SCOC: variants seen among roughly 807,000 people sequenced by gnomAD.
The protein encoded by SCOC is short coiled coil protein.
In SCOC, 7 loss-of-function variants were observed where a neutral mutation model predicts 9.9. The ratio of observed to expected loss-of-function variants is 0.71; its 90% CI spans 0.40 to 1.33. The LOEUF is 1.33. Ranked by LOEUF, SCOC falls within the 40% of genes most tolerant of loss-of-function variation. The pLI is 0.01. For synonymous variants in SCOC, 19 were observed against 28.2 expected (o/e 0.67, Z 1.03); for missense variants, 66 against 89.7 (o/e 0.74, Z 1.07).
chr4:140,366,826 A>C, intron 2 of SCOC: 1 of 940,342 alleles, frequency 1.1e-6, no homozygotes, highest in Non-Finnish European at 1.8e-6. Context: ...GATGTAGCCC[A>C]CACGGCCAAC....
Position 140,287,964 on chromosome 4 carries a change from GTGCACACATACCACA to G in SCOC, c.-19+30557_-19+30571del, listed in dbSNP as rs1226709645. On this transcript the variant is annotated intron_variant, in intron 1 of 4. Transcript: ENST00000394205. The stretch of plus-strand genomic sequence containing the variant: ...TGTGGGCACATGCATACCACACAGA[GTGCACACATACCACA>G]TGAACACATACTACATGCACCACAC... 2.0e-5 allele frequency among the ~76,000 whole-genome samples: 3 copies of G among 151,828 alleles called. No individual in the cohort carries two copies. In the East Asian group the frequency reaches 5.8e-4, roughly 29 times the overall value.
At chr4:140,276,450 G>A (rs540811648) in intron 1 of SCOC, among the ~76,000 whole-genome samples, 32 of 151,308 alleles carry the variant, frequency 2.1e-4, no homozygotes, top group Non-Finnish European at 3.7e-4. Flanking sequence ...AACTCTCACA[G>A]GTTTTTGTTT....
chr4:140,381,011 A>G lies in SCOC; in HGVS notation c.156A>G (p.Lys52=). The change falls in exon 4 of 4, where the codon AAA becomes AAG. Residue 52 remains lysine, a synonymous_variant. Coordinates refer to ENST00000608372, the MANE Select transcript of SCOC (RefSeq NM_001153484.2). The part of the protein sequence containing the change: ...DAVKEENLKL[K]SENQVLGQYI... ...TTAAGGAAGAAAATCTGAAGCTAAA[A>G]TCAGAAAACCAAGTTCTTGGACAAT... 6.2e-7 allele frequency: 1 copy of G among 1,605,920 alleles called. No homozygotes were observed. Among genetic ancestry groups the G allele is most frequent in the Non-Finnish European group, 8.5e-7 (1 of 1,178,040 alleles).
intron 1 of SCOC, among the ~76,000 whole-genome samples, chr4:140,338,222 G>T (rs1404199665): frequency 6.6e-6 from 1 of 152,156 alleles, no homozygotes; most frequent in Non-Finnish European, 1.5e-5. Flanking sequence ...AATAGATGCA[G>T]AAAAGGCCTT....
At position 140,382,262 on chromosome 4, in the gene SCOC, T is replaced by A. The variant is rs948873180; in HGVS notation, c.*1158T>A. ...GTTTTAGTCATCCTTTAACAATTTT[T>A]AAAAATTTAGCTTCTAGATTCCATT... On this transcript the variant is annotated 3_prime_UTR_variant, in exon 4 of 4. Transcript: ENST00000608372. The A allele has an allele frequency of 6.6e-6, 1 of 152,266 alleles. No homozygotes were observed. The highest frequency in any genetic ancestry group is 2.4e-5 in the African/African-American group (1 of 41,468). 9.4% of individuals were successfully genotyped at this position (152,266 alleles called of 1,614,324 possible). A position where few individuals can be genotyped will look rare whatever the true frequency, so the allele number is the denominator to read the frequency against.
At chr4:140,324,586 C>T (rs1290234505) in intron 1 of SCOC, among the ~76,000 whole-genome samples, 1 of 152,014 alleles carries the variant, frequency 6.6e-6, no homozygotes, top group Non-Finnish European at 1.5e-5. Context: ...AGATCATTTA[C>T]AATTGCACTG....
At chr4:140,380,353 A>G (rs1728525136) in intron 3 of SCOC, among the ~76,000 whole-genome samples, 1 of 151,826 alleles carries the variant, frequency 6.6e-6, no homozygotes, top group Non-Finnish European at 1.5e-5. Context: ...ACCTGCTACC[A>G]TGCCTAGCTA....
chr4:140,305,608 A>G (rs975138466), intron 1 of SCOC, among the ~76,000 whole-genome samples: 1 of 152,232 alleles, frequency 6.6e-6, no homozygotes, highest in Non-Finnish European at 1.5e-5. Flanking sequence ...TATAACAATA[A>G]CAGTGCTCAG....
At chr4:140,347,987 C>T (rs7667339) in intron 2 of SCOC, among the ~76,000 whole-genome samples, 5,329 of 152,108 alleles carry the variant, frequency 0.035, 321 homozygotes, top group African/African-American at 0.12. Context: ...ATTTCATTTT[C>T]TACTTTTTTT....
chr4:140,335,595 C>A (rs899946517), intron 1 of SCOC, among the ~76,000 whole-genome samples: 2 of 152,176 alleles, frequency 1.3e-5, no homozygotes, highest in African/African-American at 4.8e-5. Context: ...CTTGCACCTT[C>A]TTTAGAGATG....
chr4:140,378,143 T>C, intron 1 of SCOC, among the ~76,000 whole-genome samples: 1 of 152,148 alleles, frequency 6.6e-6, no homozygotes, highest in East Asian at 1.9e-4. Context: ...TAGTCTGTTT[T>C]GATTTAACCC....
chr4:140,259,520 G>C (rs182286467), intron 1 of SCOC, among the ~76,000 whole-genome samples: 156 of 152,232 alleles, frequency 1.0e-3, no homozygotes, highest in Non-Finnish European at 2.8e-4. Context: ...TGCTTTGGGA[G>C]TGCAGTCAAG....
chr4:140,318,818 T>C (rs1279720220), intron 1 of SCOC, among the ~76,000 whole-genome samples: 1 of 152,096 alleles, frequency 6.6e-6, no homozygotes, highest in Non-Finnish European at 1.5e-5. Flanking sequence ...TAGCAAAGAC[T>C]TGGAACCAAC....
chr4:140,325,342 GC>G (rs940170446), intron 1 of SCOC, among the ~76,000 whole-genome samples: 2 of 152,026 alleles, frequency 1.3e-5, no homozygotes, highest in African/African-American at 4.8e-5. Context: ...TCTTTGCTTT[GC>G]CAAAGATGCA....
At chr4:140,313,180 G>A (rs1175011779) in intron 1 of SCOC, among the ~76,000 whole-genome samples, 1 of 152,126 alleles carries the variant, frequency 6.6e-6, no homozygotes, top group Non-Finnish European at 1.5e-5. Context: ...TACTTCCACC[G>A]AACAAATAAA....
intron 1 of SCOC, chr4:140,376,562 C>T (rs953462138): frequency 7.9e-5 from 12 of 152,164 alleles, no homozygotes; most frequent in African/African-American, 2.9e-4. Context: ...GTTCTTGTGG[C>T]ACTACTTTTG....
At chr4:140,298,586 G>A (rs1247620798) in intron 1 of SCOC, among the ~76,000 whole-genome samples, 1 of 151,996 alleles carries the variant, frequency 6.6e-6, no homozygotes, top group East Asian at 1.9e-4. Flanking sequence ...TGTTTCTTGG[G>A]GACCCACCAG....
chr4:140,290,582 G>T (rs1246632768), intron 1 of SCOC, among the ~76,000 whole-genome samples: 1 of 152,210 alleles, frequency 6.6e-6, no homozygotes, highest in Non-Finnish European at 1.5e-5. Flanking sequence ...GGAAGCTGAG[G>T]TGGGCAGATC....
At chr4:140,294,240 A>G (rs1731558613) in intron 1 of SCOC, among the ~76,000 whole-genome samples, 1 of 152,146 alleles carries the variant, frequency 6.6e-6, no homozygotes, top group Non-Finnish European at 1.5e-5. Flanking sequence ...CCAATGATGG[A>G]CAGGAATGTG....
Sources: allele counts gnomAD v4.1 joint callset (sites outside exome capture counted in the v4.1 genomes callset), GRCh38; gene constraint gnomAD v4.1.1; transcripts MANE v1.5; gene names NCBI Gene and HGNC (gene_info 2026-07-23, HGNC 2026-07-21).